The following LCE1D variants were observed in gnomAD, a reference collection of about 807,000 sequenced individuals.
LCE1D encodes late cornified envelope 1D, also known as late cornified envelope protein 1D.
For synonymous variants in LCE1D, 44 were observed against 65.0 expected, an observed-to-expected ratio of 0.68 and a Z score of 1.55; for missense variants, 86 against 164.4, an observed-to-expected ratio of 0.52 and a Z score of 2.61.
chr1:152,797,420 C>T (rs1413742800), intron 1 of LCE1D, among the ~76,000 whole-genome samples: 1 of 135,760 alleles, frequency 7.4e-6, no homozygotes, highest in East Asian at 1.9e-4. Context: ...AAAGTAAAAT[C>T]GTCTTGCAAA....
In LCE1D at chr1:152,797,914, C is replaced by T; in HGVS notation, c.120C>T (p.Cys40=). 2 of 1,478,880 alleles carry T rather than the reference C, an allele frequency of 1.4e-6. 1 individual carries two copies. 91.6% of individuals were successfully genotyped at this position (1,478,880 alleles called of 1,614,324 possible). A position where few individuals can be genotyped will look rare whatever the true frequency, so the allele number is the denominator to read the frequency against. Reference sequence around the variant, plus strand: ...AGTGCCCTCCAGTCTCTTCCTGCTGCAGTGTCAGCTCCGGAGGCTGCTGTG... The same window carrying T: ...AGTGCCCTCCAGTCTCTTCCTGCTGTAGTGTCAGCTCCGGAGGCTGCTGTG... ...PPKCPPVSSC[C]SVSSGGCCGS... Residue 40 remains cysteine (C), a synonymous_variant, in exon 2 of 2, where the codon TGC becomes TGT. Transcript: ENST00000326233.
Position 152,796,742 on chromosome 1 carries a change from C to T in LCE1D, c.-52C>T, listed in dbSNP as rs1652077868. On this transcript the variant is annotated 5_prime_UTR_variant, in exon 1 of 2. Coordinates refer to ENST00000326233, the MANE Select transcript of LCE1D (RefSeq NM_178352.3). Reference sequence around the variant, plus strand: ...CCCCATCCACTCACCTCCTGAGGTGCTAAAGAACCCTGTGCTGCCTGTGAC... The same window carrying T: ...CCCCATCCACTCACCTCCTGAGGTGTTAAAGAACCCTGTGCTGCCTGTGAC... 7.3e-6 allele frequency: 1 copy of T among 136,800 alleles called. No homozygotes were observed. The allele number at this position is 136,800 out of a possible 1,614,324, so 8.5% of individuals were successfully genotyped here.
In LCE1D at chr1:152,797,725, A is replaced by C. The variant is rs991696430; in HGVS notation, c.-22-48A>C. Reference sequence around the variant, plus strand: ...GAGGTGCTAAGAGTGTCACAGGGGCAGAGGTGGCCTCTGCCTGGGTCTGAC... The same window carrying C: ...GAGGTGCTAAGAGTGTCACAGGGGCCGAGGTGGCCTCTGCCTGGGTCTGAC... On this transcript the variant is annotated intron_variant, in intron 1 of 1. Transcript: ENST00000326233. 15 of 1,219,782 alleles carry C rather than the reference A, an allele frequency of 1.2e-5. No individual in the cohort carries two copies. In the African/African-American group the frequency reaches 1.8e-4, roughly 15 times the overall value. 75.6% of individuals were successfully genotyped at this position (1,219,782 alleles called of 1,614,324 possible).
rs1459747350 is a variant in LCE1D at position 152,797,489 on chromosome 1, C to A, written c.-22-284C>A. On this transcript the variant is annotated intron_variant, in intron 1 of 1. Coordinates refer to ENST00000326233, the MANE Select transcript of LCE1D (RefSeq NM_178352.3). ...TTAAAAATAATTTTCTCTTAAATGA[C>A]TCATAAATTAGACAATTTCAGTCTT... Among the ~76,000 whole-genome samples the A allele has an allele frequency of 1.5e-5, 2 of 135,474 alleles. 1 individual carries two copies. Among genetic ancestry groups the A allele is most frequent in the Non-Finnish European group, 3.4e-5 (2 of 58,884 alleles). The allele number at this position is 135,474 out of a possible 152,430, so 88.9% of individuals were successfully genotyped here.
chr1:152,797,927 G>A lies in LCE1D; in HGVS notation c.133G>A (p.Gly45Arg), dbSNP rs150172690. ...CTCTTCCTGCTGCAGTGTCAGCTCC[G>A]GAGGCTGCTGTGGCTCCAGCTCTGG... Reference protein sequence around the residue: ...PVSSCCSVSSGGCCGSSSGGG... With the variant: ...PVSSCCSVSSRGCCGSSSGGG... Residue 45 changes from glycine (G) to arginine (R), a missense_variant, in exon 2 of 2, where the codon GGA becomes AGA. Physicochemically the swap from Gly to Arg is moderately radical, Grantham distance 125. Transcript: ENST00000326233. The A allele has an allele frequency of 1.3e-3, 1,929 of 1,488,240 alleles. 294 individuals are homozygous for A. In the African/African-American group the frequency reaches 0.023, roughly 18 times the overall value. 92.2% of individuals were successfully genotyped at this position (1,488,240 alleles called of 1,614,324 possible).
At chr1:152,797,677 G>C (rs1469665646) in intron 1 of LCE1D, 96 bp from the exon 2 acceptor site, 1 of 811,612 alleles carries the variant, frequency 1.2e-6, no homozygotes, top group Non-Finnish European at 2.0e-6. Context: ...TAAAACTACT[G>C]AAGATGATGC....
Position 152,797,762 on chromosome 1 carries a change from C to T in LCE1D, c.-22-11C>T. On this transcript the variant is annotated splice_polypyrimidine_tract_variant and intron_variant, in intron 1 of 1. Transcript: ENST00000326233. ...TGCCTGGGTCTGACTTGTTATTTGA[C>T]TCTCCCTCAGCTCCTGAACACCCAC... 1 of 1,407,664 alleles carries T rather than the reference C, an allele frequency of 7.1e-7. No homozygotes were observed. Among genetic ancestry groups the T allele is most frequent in the Middle Eastern group, 2.1e-4 (1 of 4,806 alleles). 87.2% of individuals were successfully genotyped at this position (1,407,664 alleles called of 1,614,324 possible).
At position 152,798,118 on chromosome 1, in the gene LCE1D, G is replaced by A. The variant is rs1255061053; in HGVS notation, c.324G>A (p.Gln108=). The change falls in exon 2 of 2, where the codon CAG becomes CAA. Residue 108 remains glutamine (Q), a synonymous_variant. Transcript: ENST00000326233. The part of the protein sequence containing the change: ...GSSCCGGGSS[Q]HSGGCC ...GCTGCTGCGGTGGGGGCAGCAGCCA[G>A]CACTCTGGAGGCTGCTGCTGAAGTG... 1.4e-6 allele frequency: 2 copies of A among 1,404,670 alleles called. No individual in the cohort carries two copies. Among genetic ancestry groups the A allele is most frequent in the African/African-American group, 1.5e-5 (1 of 68,906 alleles). The allele number at this position is 1,404,670 out of a possible 1,614,324, so 87.0% of individuals were successfully genotyped here.
Position 152,797,852 on chromosome 1 carries a change from T to G in LCE1D, c.58T>G (p.Cys20Gly). 7.0e-7 allele frequency: 1 copy of G among 1,437,874 alleles called. No individual in the cohort carries two copies. Among genetic ancestry groups the G allele is most frequent in the Non-Finnish European group, 9.7e-7 (1 of 1,033,292 alleles). 89.1% of individuals were successfully genotyped at this position (1,437,874 alleles called of 1,614,324 possible). Residue 20 changes from cysteine (C) to glycine (G), a missense_variant, in exon 2 of 2, where the codon TGC becomes GGC. Cys to Gly is a radical substitution (Grantham distance 159, BLOSUM62 -3). Coordinates refer to ENST00000326233, the MANE Select transcript of LCE1D (RefSeq NM_178352.3). The part of the protein sequence containing the change: ...CQPPPKCTPK[C>G]TPKCPAPKCP... Reference sequence around the variant, plus strand: ...GCCCCCTCCCAAGTGCACTCCCAAGTGCACTCCCAAGTGCCCCGCCCCTAA... The same window carrying G: ...GCCCCCTCCCAAGTGCACTCCCAAGGGCACTCCCAAGTGCCCCGCCCCTAA...
Position 152,797,729 on chromosome 1 carries a change from G to A in LCE1D, c.-22-44G>A. 3.2e-6 allele frequency: 4 copies of A among 1,264,140 alleles called. No individual in the cohort carries two copies. In the South Asian group the frequency reaches 4.9e-5, roughly 15 times the overall value. 78.3% of individuals were successfully genotyped at this position (1,264,140 alleles called of 1,614,324 possible). Reference sequence around the variant, plus strand: ...TGCTAAGAGTGTCACAGGGGCAGAGGTGGCCTCTGCCTGGGTCTGACTTGT... The same window carrying A: ...TGCTAAGAGTGTCACAGGGGCAGAGATGGCCTCTGCCTGGGTCTGACTTGT... On this transcript the variant is annotated intron_variant, in intron 1 of 1. Coordinates refer to ENST00000326233, the MANE Select transcript of LCE1D (RefSeq NM_178352.3).
In LCE1D at chr1:152,797,367, C is replaced by A. The variant is rs1652090532; in HGVS notation, c.-22-406C>A. Among the ~76,000 whole-genome samples, 2 of 135,554 alleles carry A rather than the reference C, an allele frequency of 1.5e-5. 1 individual carries two copies. Among genetic ancestry groups the A allele is most frequent in the Admixed American group, 1.5e-4 (2 of 13,726 alleles). The allele number at this position is 135,554 out of a possible 152,430, so 88.9% of individuals were successfully genotyped here. Reference sequence around the variant, plus strand: ...ATCTGTCTCTATTGAAGTGAGTTTACTGACCTAGTAGTCTCCAAGATCCTG... The same window carrying A: ...ATCTGTCTCTATTGAAGTGAGTTTAATGACCTAGTAGTCTCCAAGATCCTG... On this transcript the variant is annotated intron_variant, in intron 1 of 1. Transcript: ENST00000326233.
chr1:152,797,439 A>G (rs2101582862), intron 1 of LCE1D, among the ~76,000 whole-genome samples: 2 of 136,188 alleles, frequency 1.5e-5, no homozygotes, highest in East Asian at 3.9e-4. Context: ...AATTATGACC[A>G]GAGAGAATGA....
In LCE1D at chr1:152,797,999, G is replaced by A. The variant is rs184123599; in HGVS notation, c.205G>A (p.Gly69Ser). 18 of 1,440,134 alleles carry A rather than the reference G, an allele frequency of 1.2e-5. 3 individuals carry two copies. In the East Asian group the frequency reaches 2.5e-4, roughly 20 times the overall value. The allele number at this position is 1,440,134 out of a possible 1,614,324, so 89.2% of individuals were successfully genotyped here. A position where few individuals can be genotyped will look rare whatever the true frequency, so the allele number is the denominator to read the frequency against. Residue 69 changes from glycine (G) to serine (S), a missense_variant, in exon 2 of 2, where the codon GGT (glycine) becomes AGT (serine). Physicochemically the swap from Gly to Ser is moderately conservative, Grantham distance 56 (BLOSUM62 0). Transcript: ENST00000326233. The part of the protein sequence containing the change: ...NSGGCCSSGG[G>S]GCCLSHHRRH... ...TGGGGGCTGCTGCAGCTCTGGGGGTGGTGGCTGCTGCCTGAGCCACCACAG... is the reference window on the plus strand; with the variant it reads ...TGGGGGCTGCTGCAGCTCTGGGGGTAGTGGCTGCTGCCTGAGCCACCACAG...
Position 152,798,156 on chromosome 1 carries a change from C to G in LCE1D, c.*17C>G, listed in dbSNP as rs200245901. 256 of 1,345,114 alleles carry G rather than the reference C, an allele frequency of 1.9e-4. 21 individuals carry two copies. Among genetic ancestry groups the G allele is most frequent in the Middle Eastern group, 1.8e-3 (7 of 3,854 alleles). The allele number at this position is 1,345,114 out of a possible 1,614,324, so 83.3% of individuals were successfully genotyped here. A position where few individuals can be genotyped will look rare whatever the true frequency, so the allele number is the denominator to read the frequency against. Reference sequence around the variant, plus strand: ...TGCTGCTGAAGTGGACCTTGACTTCCTCTTCCTTCTGATTCTGCCTGAATA... The same window carrying G: ...TGCTGCTGAAGTGGACCTTGACTTCGTCTTCCTTCTGATTCTGCCTGAATA... On this transcript the variant is annotated 3_prime_UTR_variant, in exon 2 of 2. Coordinates refer to ENST00000326233, the MANE Select transcript of LCE1D (RefSeq NM_178352.3).
chr1:152,797,274 A>C (rs1652089065), intron 1 of LCE1D, among the ~76,000 whole-genome samples: 1 of 135,206 alleles, frequency 7.4e-6, no homozygotes, highest in African/African-American at 2.6e-5. Context: ...TGAGTGAGGA[A>C]GTCTGAGCTC....
chr1:152,797,001 G>A (rs1240167980), intron 1 of LCE1D, among the ~76,000 whole-genome samples: 1 of 135,690 alleles, frequency 7.4e-6, no homozygotes, highest in Non-Finnish European at 1.7e-5. Flanking sequence ...GGGATGAGGT[G>A]GGTGTTCCAG....
At position 152,797,892 on chromosome 1, in the gene LCE1D, G is replaced by A. The variant is rs1396409464; in HGVS notation, c.98G>A (p.Cys33Tyr). The change falls in exon 2 of 2, where the codon TGC becomes TAC. Residue 33 changes from cysteine (C) to tyrosine (Y), a missense_variant. Physicochemically the swap from Cys to Tyr is radical, Grantham distance 194. Transcript: ENST00000326233. ...CCCGCCCCTAAATGTCCCCCTAAGT[G>A]CCCTCCAGTCTCTTCCTGCTGCAGT... ...KCPAPKCPPK[C>Y]PPVSSCCSVS... 1 of 1,441,890 alleles carries A rather than the reference G, an allele frequency of 6.9e-7. No homozygotes were observed. Among genetic ancestry groups the A allele is most frequent in the South Asian group, 1.1e-5 (1 of 87,382 alleles). The allele number at this position is 1,441,890 out of a possible 1,614,324, so 89.3% of individuals were successfully genotyped here.
Position 152,798,086 on chromosome 1 carries a change from G to C in LCE1D, c.292G>C (p.Gly98Arg), listed in dbSNP as rs527370168. Reference protein sequence around the residue: ...SSDCCSQPSGGSSCCGGGSSQ... With the variant: ...SSDCCSQPSGRSSCCGGGSSQ... ...TGACTGCTGCAGCCAGCCCTCGGGG[G>C]GCTCCAGCTGCTGCGGTGGGGGCAG... Residue 98 changes from glycine to arginine, a missense_variant, in exon 2 of 2, where the codon GGC becomes CGC. Coordinates refer to ENST00000326233, the MANE Select transcript of LCE1D (RefSeq NM_178352.3). The C allele has an allele frequency of 2.8e-6, 4 of 1,426,858 alleles. 1 individual carries two copies. Among genetic ancestry groups the C allele is most frequent in the Non-Finnish European group, 3.9e-6 (4 of 1,026,462 alleles). The allele number at this position is 1,426,858 out of a possible 1,614,324, so 88.4% of individuals were successfully genotyped here.
chr1:152,796,890 CA>C, intron 1 of LCE1D, 119 bp downstream of exon 1: 1 of 136,268 alleles, frequency 7.3e-6, no homozygotes, highest in Non-Finnish European at 1.7e-5. Flanking sequence ...GGGCGGGGGC[CA>C]AAAGGGGTCT....
Sources: allele counts gnomAD v4.1 joint callset (sites outside exome capture counted in the v4.1 genomes callset), GRCh38; gene constraint gnomAD v4.1.1; transcripts MANE v1.5; gene names NCBI Gene and HGNC (gene_info 2026-07-23, HGNC 2026-07-21).